NME9: variants seen among roughly 807,000 people sequenced by gnomAD.
NME9 encodes the protein NME/NM23 family member 9, also known as thioredoxin domain-containing protein 6.
NME9 carries 48 observed loss-of-function variants against 44.4 expected under a neutral mutation model. The ratio of observed to expected loss-of-function variants is 1.08; its 90% CI spans 0.86 to 1.37. The LOEUF is 1.37. NME9 is among the 40% of genes most tolerant of loss of function. NME9 has a pLI of 0.00. For synonymous variants in NME9, 139 were observed against 147.1 expected, an observed-to-expected ratio of 0.94 and a Z score of 0.40; for missense variants, 325 against 405.2, an observed-to-expected ratio of 0.80 and a Z score of 1.70.
Position 138,303,379 on chromosome 3 carries a change from G to A in NME9, c.928+128C>T. On this transcript the variant is annotated intron_variant, in intron 10 of 10. Coordinates refer to ENST00000333911, the MANE Select transcript of NME9 (RefSeq NM_001349018.2). Reference sequence around the variant, plus strand: ...AGTTATATAATGACCTGTATTTTCAGAACAGGACTGTATTAGGTTGAAGAC... The same window carrying A: ...AGTTATATAATGACCTGTATTTTCAAAACAGGACTGTATTAGGTTGAAGAC... 6.2e-6 allele frequency: 4 copies of A among 648,000 alleles called. No individual in the cohort carries two copies. In the Admixed American group the frequency reaches 7.1e-5, roughly 12 times the overall value. 40.1% of individuals were successfully genotyped at this position (648,000 alleles called of 1,614,324 possible). A position where few individuals can be genotyped will look rare whatever the true frequency, so the allele number is the denominator to read the frequency against.
intron 8 of NME9, among the ~76,000 whole-genome samples, chr3:138,294,902 C>CT (rs761552356): frequency 0.043 from 6,080 of 141,972 alleles, 380 homozygotes; most frequent in African/African-American, 0.14. Flanking sequence ...GTTTTTTGTT[C>CT]TTTTTTTTTT....
At chr3:138,325,767 G>C (rs902308181) in intron 1 of NME9, among the ~76,000 whole-genome samples, 31 of 149,518 alleles carry the variant, frequency 2.1e-4, no homozygotes, top group African/African-American at 7.6e-4. Context: ...CTTAGAGAAA[G>C]TGTGCAAGTA....
chr3:138,280,563 G>A (rs766352631), intron 8 of NME9, among the ~76,000 whole-genome samples: 1 of 148,600 alleles, frequency 6.7e-6, no homozygotes, highest in Admixed American at 6.7e-5. Flanking sequence ...GTGTGATCTC[G>A]GCTCACTGCA....
chr3:138,285,018 T>G (rs1261395895), intron 8 of NME9, among the ~76,000 whole-genome samples: 2 of 152,208 alleles, frequency 1.3e-5, no homozygotes, highest in African/African-American at 4.8e-5. Context: ...CACTTCTCAT[T>G]CTGTCAACAT....
At position 138,264,514 on chromosome 3, in the gene NME9, G is replaced by A. The variant is rs1028182198; in HGVS notation, c.746-1928C>T. ...GGCTCACTGCAACCTCCACCTCCCC[G>A]GTTCAAGCGATTCTTCTGCCTCAGC... On this transcript the variant is annotated intron_variant, in intron 8 of 8. Coordinates refer to the NME9 transcript ENST00000317876. Among the ~76,000 whole-genome samples the A allele has an allele frequency of 8.2e-5, 12 of 146,784 alleles. No individual in the cohort carries two copies. The South Asian group carries it at 1.1e-3, about 13-fold the overall frequency.
intron 4 of NME9, among the ~76,000 whole-genome samples, chr3:138,317,133 G>C (rs2053142446): frequency 6.6e-6 from 1 of 152,166 alleles, no homozygotes; most frequent in African/African-American, 2.4e-5. Flanking sequence ...TTCTGCAACT[G>C]AGCTCTGATG....
intron 8 of NME9, among the ~76,000 whole-genome samples, chr3:138,276,485 GA>G (rs2049305665): frequency 6.6e-6 from 1 of 152,094 alleles, no homozygotes; most frequent in African/African-American, 2.4e-5. Flanking sequence ...GCAAGAAAAA[GA>G]AATAAGAGGT....
chr3:138,274,261 ATG>A, intron 8 of NME9, among the ~76,000 whole-genome samples: 1 of 146,852 alleles, frequency 6.8e-6, no homozygotes, highest in African/African-American at 2.7e-5. Context: ...GTGTGTGTGT[ATG>A]ACATATTTGA....
At chr3:138,324,269 C>T (rs1426331697) in intron 2 of NME9, 3 of 333,908 alleles carry the variant, frequency 9.0e-6, no homozygotes, top group Non-Finnish European at 1.8e-5. Context: ...CTCGTTGAGC[C>T]TTGAGATCCC....
chr3:138,287,642 C>T (rs770230940), intron 8 of NME9: 1 of 456,682 alleles, frequency 2.2e-6, no homozygotes, highest in South Asian at 1.5e-5. Context: ...GGAGCCCAAA[C>T]TGGACATCTC....
intron 8 of NME9, among the ~76,000 whole-genome samples, chr3:138,263,272 C>G (rs548624643): frequency 6.6e-6 from 1 of 152,340 alleles, no homozygotes; most frequent in South Asian, 2.1e-4. Context: ...GGTTACTTTT[C>G]TAAAAGTTTC....
intron 6 of NME9, 143 bp downstream of exon 6, chr3:138,314,189 A>G (rs2052905248): frequency 1.9e-6 from 1 of 522,642 alleles, no homozygotes; most frequent in East Asian, 3.1e-5. Context: ...TTATATATCA[A>G]TTTTTAAAAG....
At position 138,329,759 on chromosome 3, in the gene NME9, A is replaced by T. The variant is rs2054009276; in HGVS notation, c.-424T>A. On this transcript the variant is annotated 5_prime_UTR_variant, in exon 1 of 11. Coordinates refer to ENST00000333911, the MANE Select transcript of NME9 (RefSeq NM_001349018.2). Reference sequence around the variant, plus strand: ...CCTGCTGTTCTTATGGATTACTGGGAAAGTGAGCCACTGCGAACGACAGGT... The same window carrying T: ...CCTGCTGTTCTTATGGATTACTGGGTAAGTGAGCCACTGCGAACGACAGGT... 1 of 1,000,974 alleles carries T rather than the reference A, an allele frequency of 1.0e-6. No individual in the cohort carries two copies. The highest frequency in any genetic ancestry group is 6.0e-5 in the Admixed American group (1 of 16,726). 62.0% of individuals were successfully genotyped at this position (1,000,974 alleles called of 1,614,324 possible). A position where few individuals can be genotyped will look rare whatever the true frequency, so the allele number is the denominator to read the frequency against.
chr3:138,300,413 A>AAC (rs1560081625), downstream of NME9, among the ~76,000 whole-genome samples: 1 of 152,238 alleles, frequency 6.6e-6, no homozygotes, highest in Non-Finnish European at 1.5e-5. Context: ...CAAGTCATGG[A>AAC]CAAAACCAGC....
At chr3:138,281,961 G>A (rs2049973839) in intron 8 of NME9, among the ~76,000 whole-genome samples, 1 of 152,076 alleles carries the variant, frequency 6.6e-6, no homozygotes, top group Non-Finnish European at 1.5e-5. Flanking sequence ...AGCTGCTCTG[G>A]CCAACCCATA....
chr3:138,290,636 A>C, intron 8 of NME9: 1 of 1,594,126 alleles, frequency 6.3e-7, no homozygotes, highest in African/African-American at 1.3e-5. Flanking sequence ...AACCTTTGTG[A>C]CAAGTGAGTA....
chr3:138,304,884 C>A lies in NME9; in HGVS notation c.780G>T (p.Glu260Asp), dbSNP rs1261140889. Residue 260 changes from glutamate (E) to aspartate (D), a missense_variant, in exon 9 of 11, where the codon GAG becomes GAT. Glu to Asp is a conservative substitution (Grantham distance 45, BLOSUM62 2). Coordinates refer to ENST00000333911, the MANE Select transcript of NME9 (RefSeq NM_001349018.2). Reference sequence around the variant, plus strand: ...GCTGGTGACATCACCTTTCTGGCTGCTCCCTCCTGGCCACATTGGGGTCAC... The same window carrying A: ...GCTGGTGACATCACCTTTCTGGCTGATCCCTCCTGGCCACATTGGGGTCAC... ...GPRDPNVARR[E>D]QPESLRAQYG... 1.2e-6 allele frequency: 2 copies of A among 1,613,806 alleles called. No individual in the cohort carries two copies. The highest frequency in any genetic ancestry group is 2.7e-5 in the African/African-American group (2 of 74,914).
At chr3:138,298,546 G>A (rs531336306), downstream of NME9, among the ~76,000 whole-genome samples, 3 of 152,246 alleles carry the variant, frequency 2.0e-5, no homozygotes, top group South Asian at 2.1e-4. Flanking sequence ...GGTTCCCAGA[G>A]GCATCTGCAG....
At chr3:138,316,974 G>C (rs1408581872) in intron 4 of NME9, among the ~76,000 whole-genome samples, 1 of 152,194 alleles carries the variant, frequency 6.6e-6, no homozygotes, top group Non-Finnish European at 1.5e-5. Flanking sequence ...AGTTCACATA[G>C]AGTGGGTCCT....
Sources: gnomAD v4.1 joint callset for allele counts (sites outside exome capture counted in the v4.1 genomes callset) on GRCh38, gnomAD v4.1.1 for gene constraint, MANE v1.5 for transcripts, NCBI Gene and HGNC (gene_info 2026-07-23, HGNC 2026-07-21) for gene names.